LHFPL2: variants seen among roughly 807,000 people sequenced by gnomAD.
LHFPL2 encodes LHFPL tetraspan subfamily member 2, also known as LHFPL tetraspan subfamily member 2 protein.
Under a neutral mutation model 17.5 loss-of-function variants are expected in LHFPL2, and 7 were observed. The observed-to-expected ratio is 0.40, with a 90% CI of 0.23 to 0.75. The LOEUF is 0.75. LHFPL2 is among the 30% of genes least tolerant of loss of function. LHFPL2 has a pLI of 0.37. For missense variants in LHFPL2, 241 were observed against 294.8 expected, an observed-to-expected ratio of 0.82 and a Z score of 1.34; for synonymous variants, 134 against 116.2, an observed-to-expected ratio of 1.15 and a Z score of -0.99.
At chr5:78,601,725 G>A (rs1384693126) in intron 2 of LHFPL2, among the ~76,000 whole-genome samples, 4 of 152,118 alleles carry the variant, frequency 2.6e-5, no homozygotes, top group African/African-American at 7.2e-5. Context: ...ATCTGCAAAC[G>A]TGCTGCAGAA....
At chr5:78,513,515 C>A (rs951882251) in intron 3 of LHFPL2, among the ~76,000 whole-genome samples, 1 of 152,150 alleles carries the variant, frequency 6.6e-6, no homozygotes, top group Non-Finnish European at 1.5e-5. Flanking sequence ...AGTGGTGATA[C>A]GCAAGGCTGA....
intron 4 of LHFPL2, among the ~76,000 whole-genome samples, chr5:78,508,552 T>C (rs887884864): frequency 6.6e-6 from 1 of 152,170 alleles, no homozygotes. Context: ...GTAAACTTTA[T>C]CTTATCGGCT....
intron 2 of LHFPL2, among the ~76,000 whole-genome samples, chr5:78,616,349 G>A (rs1313876739): frequency 1.3e-5 from 2 of 151,966 alleles, no homozygotes; most frequent in Non-Finnish European, 2.9e-5. Flanking sequence ...GGATGATCTC[G>A]ATCTGCTGAC....
intron 1 of LHFPL2, chr5:78,644,967 C>T (rs341926): frequency 0.55 from 83,158 of 152,280 alleles, 22,874 homozygotes; most frequent in South Asian, 0.6. Flanking sequence ...TCATTGCATG[C>T]GAAACAATTT....
chr5:78,501,430 G>A (rs114757774), intron 4 of LHFPL2, among the ~76,000 whole-genome samples: 1,709 of 152,256 alleles, frequency 0.011, 39 homozygotes, highest in African/African-American at 0.039. Flanking sequence ...GCCCTTCTGC[G>A]GGGTAAGAGA....
At chr5:78,557,706 A>C (rs947730004) in intron 3 of LHFPL2, among the ~76,000 whole-genome samples, 3 of 152,212 alleles carry the variant, frequency 2.0e-5, no homozygotes, top group African/African-American at 7.2e-5. Flanking sequence ...GTACGTTTCC[A>C]AGTTCATTCG....
chr5:78,523,996 G>A (rs140149817), intron 3 of LHFPL2, among the ~76,000 whole-genome samples: 3 of 152,204 alleles, frequency 2.0e-5, no homozygotes, highest in South Asian at 2.1e-4. Context: ...CTATGTTTTC[G>A]CTGCCAGGAG....
At position 78,643,269 on chromosome 5, in the gene LHFPL2, GA is replaced by G. The variant is rs202022796; in HGVS notation, c.-350+5229del. Among the ~76,000 whole-genome samples the G allele has an allele frequency of 1.3e-3, 188 of 149,890 alleles. 1 individual carries two copies. The highest frequency in any genetic ancestry group is 4.2e-3 in the African/African-American group (170 of 40,844). ...GTATTATTGCAATTTTTAAAGTAATGAAAAAAAAAGAAAAAACAAAACCTTG... is the reference window on the plus strand; with the variant it reads ...GTATTATTGCAATTTTTAAAGTAATGAAAAAAAAGAAAAAACAAAACCTTG... On this transcript the variant is annotated intron_variant, in intron 1 of 4. Coordinates refer to ENST00000380345, the MANE Select transcript of LHFPL2 (RefSeq NM_005779.3).
chr5:78,526,127 T>C (rs1409659842), intron 3 of LHFPL2, among the ~76,000 whole-genome samples: 5 of 152,086 alleles, frequency 3.3e-5, no homozygotes, highest in Admixed American at 3.3e-4. Context: ...CTGGCCTCTG[T>C]AGCCCTGGCC....
chr5:78,582,854 T>A (rs193211685), intron 2 of LHFPL2, among the ~76,000 whole-genome samples: 4 of 152,310 alleles, frequency 2.6e-5, no homozygotes, highest in Admixed American at 2.6e-4. Context: ...TGACTTTCTG[T>A]CTCGTTGATC....
At chr5:78,568,097 C>T (rs984661972) in intron 2 of LHFPL2, among the ~76,000 whole-genome samples, 5 of 152,150 alleles carry the variant, frequency 3.3e-5, no homozygotes, top group Admixed American at 2.0e-4. Context: ...GGTATTCTCA[C>T]GCTGCCAGGT....
intron 1 of LHFPL2, chr5:78,644,417 T>A: frequency 2.8e-6 from 2 of 723,568 alleles, no homozygotes; most frequent in Non-Finnish European, 4.8e-6. Context: ...TCACAGCCTT[T>A]TCATAAGGCT....
chr5:78,491,550 G>A (rs1262655537), intron 4 of LHFPL2, among the ~76,000 whole-genome samples: 1 of 152,196 alleles, frequency 6.6e-6, no homozygotes, highest in Non-Finnish European at 1.5e-5. Flanking sequence ...AGGACAGGAG[G>A]CTAGAACACA....
intron 1 of LHFPL2, among the ~76,000 whole-genome samples, chr5:78,640,684 GCC>G (rs1745632234): frequency 6.6e-6 from 1 of 152,142 alleles, no homozygotes; most frequent in South Asian, 2.1e-4. Flanking sequence ...GTCACTCATA[GCC>G]CCATTAAGAT....
chr5:78,585,837 G>T (rs1164466825), intron 2 of LHFPL2, among the ~76,000 whole-genome samples: 1 of 152,144 alleles, frequency 6.6e-6, no homozygotes, highest in African/African-American at 2.4e-5. Flanking sequence ...CAGATGGGGA[G>T]ACTGGGTTGG....
chr5:78,570,512 G>A (rs1422341025), intron 2 of LHFPL2, among the ~76,000 whole-genome samples: 1 of 151,954 alleles, frequency 6.6e-6, no homozygotes, highest in East Asian at 1.9e-4. Flanking sequence ...TAGACTATGA[G>A]TGATGAAGGA....
intron 3 of LHFPL2, among the ~76,000 whole-genome samples, chr5:78,542,082 T>A (rs545738714): frequency 2.6e-5 from 4 of 152,268 alleles, no homozygotes; most frequent in Admixed American, 2.0e-4. Context: ...CTGCGACCCT[T>A]TGGATTTGTT....
intron 4 of LHFPL2, among the ~76,000 whole-genome samples, chr5:78,508,744 C>A (rs373315557): frequency 1.3e-5 from 2 of 152,176 alleles, no homozygotes; most frequent in African/African-American, 4.8e-5. Context: ...CTAGAATTTG[C>A]TGAGGGATGA....
chr5:78,585,151 T>C (rs113228933), intron 2 of LHFPL2, among the ~76,000 whole-genome samples: 10,792 of 111,800 alleles, frequency 0.097, 3,130 homozygotes, highest in African/African-American at 0.33. Flanking sequence ...GGACTACAGG[T>C]GCCCGCCACT....
Sources: allele counts gnomAD v4.1 joint callset (sites outside exome capture counted in the v4.1 genomes callset), GRCh38; gene constraint gnomAD v4.1.1; transcripts MANE v1.5; gene names NCBI Gene and HGNC (gene_info 2026-07-23, HGNC 2026-07-21).